CAP2: variants seen among roughly 807,000 people sequenced by gnomAD.
CAP2 encodes the protein cyclase associated actin cytoskeleton regulatory protein 2.
In CAP2, 24 loss-of-function variants were observed where a neutral mutation model predicts 57.7. The observed-to-expected ratio is 0.42, with a 90% CI of 0.30 to 0.58. The LOEUF (loss-of-function observed/expected upper bound fraction) is 0.58, where lower values mean the gene tolerates loss of function less well. CAP2 is among the 20% of genes least tolerant of loss of function. The pLI is 0.22. For synonymous variants in CAP2, 194 were observed against 207.2 expected, an observed-to-expected ratio of 0.94 and a Z score of 0.55; for missense variants, 501 against 590.3, an observed-to-expected ratio of 0.85 and a Z score of 1.57.
At chr6:17,406,316 TA>T (rs1253482548) in intron 1 of CAP2, among the ~76,000 whole-genome samples, 1 of 151,672 alleles carries the variant, frequency 6.6e-6, no homozygotes, top group African/African-American at 2.4e-5. Flanking sequence ...GCGAGAGGAA[TA>T]AAATACCAGG....
intron 2 of CAP2, among the ~76,000 whole-genome samples, chr6:17,423,979 T>C (rs964091788): frequency 6.6e-6 from 1 of 152,208 alleles, no homozygotes; most frequent in African/African-American, 2.4e-5. Context: ...AATTAGTAAG[T>C]TTTGACAATT....
chr6:17,395,365 T>C lies in CAP2; in HGVS notation c.-2+1619T>C, dbSNP rs532064538. 1.4e-4 allele frequency among the ~76,000 whole-genome samples: 21 copies of C among 152,362 alleles called. 1 individual carries two copies. The South Asian group carries it at 4.3e-3, about 32-fold the overall frequency. On this transcript the variant is annotated intron_variant, in intron 1 of 12. Transcript: ENST00000229922. ...TTGTGTTTTACTTTATTTACAGACA[T>C]TGAACCTTGAACTTTTCACCAGTAA...
At chr6:17,511,224 A>C (rs1762138556) in intron 6 of CAP2, among the ~76,000 whole-genome samples, 1 of 152,086 alleles carries the variant, frequency 6.6e-6, no homozygotes, top group Non-Finnish European at 1.5e-5. Context: ...CGGACTAAGC[A>C]GCATACTCCA....
intron 4 of CAP2, among the ~76,000 whole-genome samples, chr6:17,490,871 G>A (rs1761526975): frequency 6.6e-6 from 1 of 152,188 alleles, no homozygotes. Context: ...CGCCTTAACA[G>A]CTGGTGAAGC....
intron 3 of CAP2, among the ~76,000 whole-genome samples, chr6:17,434,508 C>G (rs1304073513): frequency 6.6e-6 from 1 of 152,116 alleles, no homozygotes; most frequent in East Asian, 1.9e-4. Flanking sequence ...GGATTACAGG[C>G]GTGAGCCACT....
At chr6:17,508,903 G>A (rs1762063921) in intron 6 of CAP2, among the ~76,000 whole-genome samples, 1 of 151,918 alleles carries the variant, frequency 6.6e-6, no homozygotes, top group Admixed American at 6.6e-5. Flanking sequence ...GACTATAGGT[G>A]CGCACCACCA....
intron 3 of CAP2, among the ~76,000 whole-genome samples, chr6:17,434,933 C>A (rs1452928253): frequency 2.1e-5 from 3 of 145,990 alleles, no homozygotes; most frequent in Non-Finnish European, 4.5e-5. Flanking sequence ...TGAAGAAATG[C>A]TCATCATCAC....
chr6:17,469,941 C>T (rs1157078297), intron 4 of CAP2, among the ~76,000 whole-genome samples: 1 of 152,148 alleles, frequency 6.6e-6, no homozygotes, highest in African/African-American at 2.4e-5. Flanking sequence ...CGGCAGTGAT[C>T]TTAGGACTTA....
At chr6:17,549,207 T>C (rs1763117649) in intron 11 of CAP2, among the ~76,000 whole-genome samples, 1 of 152,224 alleles carries the variant, frequency 6.6e-6, no homozygotes, top group African/African-American at 2.4e-5. Context: ...CTCACGCCTG[T>C]AATCCCAGAA....
chr6:17,498,584 C>T (rs944983221), intron 4 of CAP2, among the ~76,000 whole-genome samples: 2 of 152,124 alleles, frequency 1.3e-5, no homozygotes, highest in African/African-American at 4.8e-5. Context: ...TTCCTTTCTC[C>T]TGAAGATGTC....
At chr6:17,506,074 T>C in intron 4 of CAP2, among the ~76,000 whole-genome samples, 1 of 152,068 alleles carries the variant, frequency 6.6e-6, no homozygotes, top group Admixed American at 6.6e-5. Context: ...TTTCACATTT[T>C]TTTTTGTAGA....
intron 3 of CAP2, among the ~76,000 whole-genome samples, chr6:17,429,463 T>A (rs1561780102): frequency 6.6e-6 from 1 of 152,198 alleles, no homozygotes; most frequent in African/African-American, 2.4e-5. Context: ...TTGCATTTTT[T>A]AAAAAAGTAA....
chr6:17,511,305 G>A (rs538246043), intron 6 of CAP2, among the ~76,000 whole-genome samples: 16 of 152,192 alleles, frequency 1.1e-4, no homozygotes, highest in Admixed American at 2.6e-4. Context: ...TCATTTGTGC[G>A]TCACTGCTGC....
At chr6:17,425,595 G>T (rs1759568924) in intron 2 of CAP2, among the ~76,000 whole-genome samples, 1 of 152,122 alleles carries the variant, frequency 6.6e-6, no homozygotes, top group African/African-American at 2.4e-5. Flanking sequence ...GACTCGGCTG[G>T]GTTCAGGTTT....
At chr6:17,548,835 G>A (rs1763110675) in intron 11 of CAP2, among the ~76,000 whole-genome samples, 1 of 152,132 alleles carries the variant, frequency 6.6e-6, no homozygotes, top group Non-Finnish European at 1.5e-5. Flanking sequence ...TAGGACAATT[G>A]ATTATCCATG....
intron 3 of CAP2, among the ~76,000 whole-genome samples, chr6:17,449,038 A>C (rs1760337321): frequency 6.6e-6 from 1 of 152,258 alleles, no homozygotes; most frequent in Non-Finnish European, 1.5e-5. Context: ...TTGGGATTAC[A>C]GGCGTGAGCC....
chr6:17,454,927 T>TA (rs926337056), intron 3 of CAP2, among the ~76,000 whole-genome samples: 6 of 151,860 alleles, frequency 4.0e-5, no homozygotes, highest in African/African-American at 1.5e-4. Context: ...TCCCGTCACT[T>TA]AAAAAAAATG....
chr6:17,481,870 A>G (rs1761295932), intron 4 of CAP2, among the ~76,000 whole-genome samples: 1 of 152,172 alleles, frequency 6.6e-6, no homozygotes, highest in African/African-American at 2.4e-5. Flanking sequence ...GTCATTAAAT[A>G]CCAGCTCTCT....
chr6:17,556,003 A>G (rs1763302173), intron 12 of CAP2, among the ~76,000 whole-genome samples: 1 of 152,058 alleles, frequency 6.6e-6, no homozygotes, highest in South Asian at 2.1e-4. Context: ...CCAGTTGCTT[A>G]CTCTCAGGCC....
Sources: gnomAD v4.1 joint callset for allele counts (sites outside exome capture counted in the v4.1 genomes callset) on GRCh38, gnomAD v4.1.1 for gene constraint, MANE v1.5 for transcripts, NCBI Gene and HGNC (gene_info 2026-07-23, HGNC 2026-07-21) for gene names.